The following MAGI2 variants were observed in gnomAD, a reference collection of about 807,000 sequenced individuals.
MAGI2 encodes membrane-associated guanylate kinase, WW and PDZ domain-containing protein 2.
Under a neutral mutation model 133.3 loss-of-function variants are expected in MAGI2, and 35 were observed. The ratio of observed to expected loss-of-function variants is 0.26; its 90% CI spans 0.20 to 0.35. The LOEUF (loss-of-function observed/expected upper bound fraction) is 0.35, where lower values mean the gene tolerates loss of function less well. MAGI2 is among the 10% of genes least tolerant of loss of function. MAGI2 has a pLI of 1.00. For synonymous variants in MAGI2, 729 were observed against 710.6 expected, an observed-to-expected ratio of 1.03 and a Z score of -0.41; for missense variants, 1,636 against 1,863.4, an observed-to-expected ratio of 0.88 and a Z score of 2.25.
chr7:78,196,388 G>A (rs1965530), intron 11 of MAGI2, among the ~76,000 whole-genome samples: 108,268 of 151,908 alleles, frequency 0.71, 38,925 homozygotes, highest in East Asian at 0.95. Context: ...TGCATAGTTA[G>A]TACTCAGAAA....
At chr7:78,852,155 T>G (rs1793192857) in intron 2 of MAGI2, among the ~76,000 whole-genome samples, 1 of 152,176 alleles carries the variant, frequency 6.6e-6, no homozygotes, top group Non-Finnish European at 1.5e-5. Context: ...TTTCCTTAAT[T>G]ACTAATGCAT....
At chr7:78,628,265 G>T (rs1808583408) in intron 2 of MAGI2, among the ~76,000 whole-genome samples, 1 of 146,934 alleles carries the variant, frequency 6.8e-6, no homozygotes, top group African/African-American at 2.5e-5. Context: ...GGTCAGATTG[G>T]AATTTACATA....
chr7:78,132,650 C>A (rs1273890450), intron 18 of MAGI2, among the ~76,000 whole-genome samples: 1 of 152,232 alleles, frequency 6.6e-6, no homozygotes, highest in Admixed American at 6.5e-5. Context: ...TACTCATCTG[C>A]AACTGCTCAC....
chr7:78,118,626 A>T (rs111907836), intron 20 of MAGI2, among the ~76,000 whole-genome samples: 1 of 152,246 alleles, frequency 6.6e-6, no homozygotes, highest in African/African-American at 2.4e-5. Flanking sequence ...GCCATCGAGG[A>T]AATGTAAATT....
intron 15 of MAGI2, among the ~76,000 whole-genome samples, chr7:78,161,894 G>A (rs73703710): frequency 0.017 from 2,556 of 152,168 alleles, 76 homozygotes; most frequent in African/African-American, 0.059. Context: ...GAAATGTACC[G>A]AGGTCATAAG....
intron 20 of MAGI2, among the ~76,000 whole-genome samples, chr7:78,097,232 A>C (rs919233025): frequency 2.0e-5 from 3 of 152,222 alleles, no homozygotes; most frequent in African/African-American, 7.2e-5. Context: ...AAATTAGTTC[A>C]TCCATTGTGG....
intron 1 of MAGI2, among the ~76,000 whole-genome samples, chr7:79,073,451 T>C (rs1815179592): frequency 6.6e-6 from 1 of 152,180 alleles, no homozygotes; most frequent in Admixed American, 6.5e-5. Context: ...TCATTTCAGT[T>C]TGGATAACGA....
intron 2 of MAGI2, among the ~76,000 whole-genome samples, chr7:78,827,522 C>T (rs1790771694): frequency 6.6e-6 from 1 of 152,104 alleles, no homozygotes; most frequent in African/African-American, 2.4e-5. Flanking sequence ...AGCAATCCTC[C>T]CGCCTTGGGT....
intron 2 of MAGI2, among the ~76,000 whole-genome samples, chr7:78,825,069 G>A (rs1307093881): frequency 1.3e-5 from 2 of 152,048 alleles, no homozygotes; most frequent in Admixed American, 1.3e-4. Flanking sequence ...CCTGTTGGAG[G>A]GTGGGGGGCA....
chr7:78,797,605 T>C (rs1391805248), intron 2 of MAGI2, among the ~76,000 whole-genome samples: 5 of 152,208 alleles, frequency 3.3e-5, no homozygotes, highest in African/African-American at 1.2e-4. Flanking sequence ...ACTTCAGATA[T>C]GTTAATCACA....
At chr7:79,333,021 T>G (rs1293823142) in intron 1 of MAGI2, among the ~76,000 whole-genome samples, 1 of 152,222 alleles carries the variant, frequency 6.6e-6, no homozygotes, top group Non-Finnish European at 1.5e-5. Flanking sequence ...AGATACGTGA[T>G]TTGTCAGTAT....
intron 2 of MAGI2, among the ~76,000 whole-genome samples, chr7:78,839,870 G>C (rs1054716235): frequency 3.3e-5 from 5 of 152,012 alleles, no homozygotes; most frequent in Non-Finnish European, 7.4e-5. Flanking sequence ...AAAAAGTCTG[G>C]TCTTTTCTTA....
In MAGI2 at chr7:79,346,783, T is replaced by C. The variant is rs949885728; in HGVS notation, c.301+106237A>G. 7.2e-5 allele frequency among the ~76,000 whole-genome samples: 11 copies of C among 152,032 alleles called. 1 individual carries two copies. The highest frequency in any genetic ancestry group is 1.5e-4 in the Non-Finnish European group (10 of 67,910). ...GTTCAACCTTTCCTCACACCTTATC[T>C]GGTTTTCTTAGGCAGAAATGATCTC... is the stretch of plus-strand genomic sequence containing the variant. On this transcript the variant is annotated intron_variant, in intron 1 of 21. Transcript: ENST00000354212.
At chr7:79,011,602 G>T (rs1428462801) in intron 1 of MAGI2, among the ~76,000 whole-genome samples, 1 of 152,112 alleles carries the variant, frequency 6.6e-6, no homozygotes, top group East Asian at 1.9e-4. Context: ...GGAGAAAGCA[G>T]TTCACTAATT....
chr7:78,103,225 A>G (rs1034512447), intron 20 of MAGI2, among the ~76,000 whole-genome samples: 18 of 152,342 alleles, frequency 1.2e-4, no homozygotes, highest in African/African-American at 4.3e-4. Flanking sequence ...AATTTTTGAT[A>G]TTAGATCCCA....
At chr7:78,572,712 G>A (rs1405239362) in intron 3 of MAGI2, among the ~76,000 whole-genome samples, 2 of 151,578 alleles carry the variant, frequency 1.3e-5, no homozygotes, top group Admixed American at 6.6e-5. Flanking sequence ...GCCCAGGCTG[G>A]AGTGCCATGG....
At chr7:79,260,866 T>C (rs1834038081) in intron 1 of MAGI2, among the ~76,000 whole-genome samples, 1 of 152,218 alleles carries the variant, frequency 6.6e-6, no homozygotes, top group African/African-American at 2.4e-5. Flanking sequence ...TGAAACACTC[T>C]GGTCCCAAGC....
Position 78,270,034 on chromosome 7 carries a change from A to G in MAGI2, c.1409-13453T>C, listed in dbSNP as rs1011069846. Among the ~76,000 whole-genome samples the G allele has an allele frequency of 2.0e-5, 3 of 152,136 alleles. No homozygotes were observed. In the South Asian group the frequency reaches 6.2e-4, roughly 32 times the overall value. On this transcript the variant is annotated intron_variant, in intron 9 of 21. Transcript: ENST00000354212. ...TTATTAAATAGGGAATCCTTTCCCC[A>G]TTGCTTGTTTTTGTCAGGTTTGTCA...
chr7:78,890,543 C>T (rs1321367578), intron 2 of MAGI2, among the ~76,000 whole-genome samples: 1 of 151,768 alleles, frequency 6.6e-6, no homozygotes, highest in African/African-American at 2.4e-5. Flanking sequence ...GACCACAGTG[C>T]AATCAAACTA....
Sources: allele counts gnomAD v4.1 joint callset (sites outside exome capture counted in the v4.1 genomes callset), GRCh38; gene constraint gnomAD v4.1.1; transcripts MANE v1.5; gene names NCBI Gene and HGNC (gene_info 2026-07-23, HGNC 2026-07-21).